The following IQCM variants were observed in gnomAD, a reference collection of about 807,000 sequenced individuals.
The protein encoded by IQCM is IQ domain-containing protein M.
In IQCM, 45 loss-of-function variants were observed where a neutral mutation model predicts 57.6. That is an observed-to-expected ratio of 0.78 (90% confidence interval 0.62 to 1.00). IQCM has a LOEUF of 1.00. Ranked by LOEUF, IQCM falls within the 50% of genes least tolerant of loss-of-function variation. IQCM has a pLI of 0.00. For synonymous variants in IQCM, 148 were observed against 158.9 expected (o/e 0.93, Z 0.51); for missense variants, 468 against 511.6 (o/e 0.91, Z 0.82).
intron 9 of IQCM, among the ~76,000 whole-genome samples, chr4:149,585,735 ATGAC>A (rs935854424): frequency 6.6e-6 from 1 of 151,758 alleles, no homozygotes. Context: ...TAAAAGAAGC[ATGAC>A]TGACTAAGAA....
chr4:149,462,991 G>A (rs941962027), intron 12 of IQCM, among the ~76,000 whole-genome samples: 10 of 152,280 alleles, frequency 6.6e-5, no homozygotes, highest in Admixed American at 1.3e-4. Context: ...TTAAATATCC[G>A]TTTGTTGTGG....
At chr4:149,376,475 T>G (rs1402042638) in intron 13 of IQCM, among the ~76,000 whole-genome samples, 3 of 152,164 alleles carry the variant, frequency 2.0e-5, no homozygotes, top group African/African-American at 7.2e-5. Flanking sequence ...AATTAGTTTT[T>G]TTTAAGGCAT....
intron 12 of IQCM, among the ~76,000 whole-genome samples, chr4:149,532,766 G>A (rs1354189827): frequency 2.6e-5 from 4 of 152,120 alleles, no homozygotes; most frequent in African/African-American, 9.7e-5. Flanking sequence ...TTATGAACTG[G>A]GTATTAGCAG....
intron 8 of IQCM, among the ~76,000 whole-genome samples, chr4:149,619,878 C>T (rs537819097): frequency 5.3e-5 from 8 of 152,138 alleles, no homozygotes; most frequent in Admixed American, 1.3e-4. Context: ...ACAACATGGC[C>T]GGGCATGGTG....
intron 13 of IQCM, among the ~76,000 whole-genome samples, chr4:149,359,860 T>C (rs1729348840): frequency 6.6e-6 from 1 of 152,158 alleles, no homozygotes; most frequent in Non-Finnish European, 1.5e-5. Context: ...CAAACACAGA[T>C]AGTTTTGCAA....
At chr4:149,392,125 G>GTTT (rs34228770) in intron 13 of IQCM, among the ~76,000 whole-genome samples, 7 of 146,150 alleles carry the variant, frequency 4.8e-5, no homozygotes, top group African/African-American at 1.3e-4. Context: ...AATTTTGTCA[G>GTTT]TTTTTTTTTT....
At chr4:149,521,175 G>T (rs556121850) in intron 12 of IQCM, among the ~76,000 whole-genome samples, 1 of 152,176 alleles carries the variant, frequency 6.6e-6, no homozygotes, top group East Asian at 1.9e-4. Flanking sequence ...TTATTACTTG[G>T]AGAACAAGAG....
chr4:149,419,148 T>A (rs1733953101), intron 13 of IQCM, among the ~76,000 whole-genome samples: 1 of 152,048 alleles, frequency 6.6e-6, no homozygotes, highest in African/African-American at 2.4e-5. Flanking sequence ...TATTTTAAAA[T>A]TCATATGGAA....
intron 5 of IQCM, among the ~76,000 whole-genome samples, chr4:149,716,311 T>C (rs550306439): frequency 2.0e-5 from 3 of 152,344 alleles, no homozygotes; most frequent in South Asian, 4.1e-4. Flanking sequence ...CCTGAGCATG[T>C]GCACACTTGG....
chr4:149,535,476 G>A (rs1341233377), intron 12 of IQCM, among the ~76,000 whole-genome samples: 1 of 151,942 alleles, frequency 6.6e-6, no homozygotes, highest in Non-Finnish European at 1.5e-5. Context: ...AGTACTGGGT[G>A]TATAATCTTA....
intron 2 of IQCM, among the ~76,000 whole-genome samples, chr4:149,779,064 C>T (rs1771364585): frequency 6.6e-6 from 1 of 152,026 alleles, no homozygotes; most frequent in Non-Finnish European, 1.5e-5. Context: ...CATGAATATA[C>T]ACAAAAATTC....
chr4:149,767,858 G>A (rs1054571016), intron 2 of IQCM, among the ~76,000 whole-genome samples: 5 of 151,992 alleles, frequency 3.3e-5, no homozygotes, highest in Non-Finnish European at 7.4e-5. Context: ...GAATAAATAC[G>A]ACTGTAGAGG....
chr4:149,757,763 GTGTA>G (rs1769125150), intron 2 of IQCM, among the ~76,000 whole-genome samples: 1 of 151,812 alleles, frequency 6.6e-6, no homozygotes, highest in Non-Finnish European at 1.5e-5. Flanking sequence ...GTGTGTGTGT[GTGTA>G]TATTTCTGCA....
intron 7 of IQCM, among the ~76,000 whole-genome samples, chr4:149,650,907 A>G (rs573544047): frequency 1.3e-5 from 2 of 152,324 alleles, no homozygotes; most frequent in East Asian, 3.9e-4. Flanking sequence ...TAGTTCCTCA[A>G]AAGGTTGTTA....
At chr4:149,464,575 G>T (rs551835035) in intron 12 of IQCM, among the ~76,000 whole-genome samples, 228 of 152,208 alleles carry the variant, frequency 1.5e-3, no homozygotes, top group African/African-American at 5.2e-3. Flanking sequence ...CTTACCATAT[G>T]GCAAACTTGC....
At position 149,403,118 on chromosome 4, in the gene IQCM, G is replaced by C. The variant is rs193240088; in HGVS notation, c.1390+30278C>G. Among the ~76,000 whole-genome samples, 3 of 152,020 alleles carry C rather than the reference G, an allele frequency of 2.0e-5. No homozygotes were observed. In the East Asian group the frequency reaches 5.8e-4, roughly 30 times the overall value. ...CATTTTTAAGTGAATGAAATATTTT[G>C]ATTATCTTCAGTGTTTTATTTCTTA... On this transcript the variant is annotated intron_variant, in intron 13 of 13. Transcript: ENST00000636793.
chr4:149,777,631 C>A (rs1319474252), intron 2 of IQCM, among the ~76,000 whole-genome samples: 4 of 152,152 alleles, frequency 2.6e-5, no homozygotes, highest in African/African-American at 9.7e-5. Flanking sequence ...AAGCATGGTA[C>A]TCCTCAAGAA....
At chr4:149,431,868 T>A (rs1734897176) in intron 13 of IQCM, among the ~76,000 whole-genome samples, 1 of 151,904 alleles carries the variant, frequency 6.6e-6, no homozygotes, top group African/African-American at 2.4e-5. Context: ...TTTTGTTCAT[T>A]CATTCACCAG....
intron 7 of IQCM, among the ~76,000 whole-genome samples, chr4:149,670,013 G>C (rs2150175256): frequency 6.6e-6 from 1 of 152,274 alleles, no homozygotes; most frequent in Non-Finnish European, 1.5e-5. Context: ...ATTATTTGAA[G>C]AAAGTCATTG....
Sources: gnomAD v4.1 joint callset for allele counts (sites outside exome capture counted in the v4.1 genomes callset) on GRCh38, gnomAD v4.1.1 for gene constraint, MANE v1.5 for transcripts, NCBI Gene and HGNC (gene_info 2026-07-23, HGNC 2026-07-21) for gene names.